The following SBF2 variants were observed in gnomAD, a reference collection of about 807,000 sequenced individuals.
The protein encoded by SBF2 is SET binding factor 2, also known as myotubularin-related protein 13.
In SBF2, 112 loss-of-function variants were observed where a neutral mutation model predicts 225.2. That is an observed-to-expected ratio of 0.50 (90% CI 0.43 to 0.58). SBF2 has a LOEUF of 0.58. SBF2 is among the 20% of genes least tolerant of loss of function. The pLI is 0.00. For synonymous variants in SBF2, 763 were observed against 773.3 expected (o/e 0.99, Z 0.22); for missense variants, 1,996 against 2,206.2 (o/e 0.90, Z 1.91).
At chr11:10,227,349 G>T (rs1958617825) in intron 1 of SBF2, among the ~76,000 whole-genome samples, 1 of 152,030 alleles carries the variant, frequency 6.6e-6, no homozygotes, top group Non-Finnish European at 1.5e-5. Context: ...GTCTATTTTG[G>T]CTTTTGTTGC....
chr11:9,936,215 T>A (rs7945547), intron 16 of SBF2, among the ~76,000 whole-genome samples: 2 of 152,148 alleles, frequency 1.3e-5, no homozygotes, highest in African/African-American at 4.8e-5. Context: ...CTCATCATCA[T>A]TGGTCATCAG....
intron 14 of SBF2, among the ~76,000 whole-genome samples, chr11:9,967,244 C>T (rs1041874672): frequency 2.6e-5 from 4 of 151,968 alleles, no homozygotes; most frequent in Non-Finnish European, 5.9e-5. Flanking sequence ...TGGTGGCGGG[C>T]GCCTGGAGTC....
intron 2 of SBF2, among the ~76,000 whole-genome samples, chr11:10,139,316 T>C (rs1954535419): frequency 6.6e-6 from 1 of 152,182 alleles, no homozygotes; most frequent in African/African-American, 2.4e-5. Context: ...TTGTAGAGTC[T>C]CCAGCAGTTT....
chr11:10,066,233 C>T (rs975116417), intron 2 of SBF2, among the ~76,000 whole-genome samples: 1 of 151,844 alleles, frequency 6.6e-6, no homozygotes, highest in Non-Finnish European at 1.5e-5. Context: ...ATAAGGCCGA[C>T]ATTACCAATA....
chr11:10,198,076 C>T (rs1022562836), intron 1 of SBF2, among the ~76,000 whole-genome samples: 4 of 152,184 alleles, frequency 2.6e-5, no homozygotes, highest in African/African-American at 9.7e-5. Flanking sequence ...TTTTTACCTC[C>T]TCCCATGAAT....
At position 9,832,904 on chromosome 11, in the gene SBF2, A is replaced by G. The variant is rs143924546; in HGVS notation, c.3456-484T>C. Among the ~76,000 whole-genome samples the G allele has an allele frequency of 3.7e-4, 57 of 152,356 alleles. 1 individual carries two copies. The highest frequency in any genetic ancestry group is 1.2e-3 in the African/African-American group (51 of 41,580). ...GCAGACTTCTGTTGAATAAACTTAG[A>G]AAATAAAAATATTATGTAGAATTCT... On this transcript the variant is annotated intron_variant, in intron 26 of 39. Transcript: ENST00000256190.
At chr11:10,293,587 C>G (rs1170873327) in intron 1 of SBF2, among the ~76,000 whole-genome samples, 1 of 152,198 alleles carries the variant, frequency 6.6e-6, no homozygotes, top group Non-Finnish European at 1.5e-5. Flanking sequence ...GAGGACAACC[C>G]CCTGCGTCAC....
chr11:9,829,438 G>A lies in SBF2; in HGVS notation c.3711C>T (p.Ala1237=). 6.2e-7 allele frequency: 1 copy of A among 1,613,760 alleles called. No homozygotes were observed. The highest frequency in any genetic ancestry group is 8.5e-7 in the Non-Finnish European group (1 of 1,179,646). ...SSIEQEKYLQ[A]LLNAVSVHQK... Reference sequence around the variant, plus strand: ...GATGGACAGAAACAGCATTCAGTAAGGCTTGCAAGTATTTCTCTTGTTCTA... The same window carrying A: ...GATGGACAGAAACAGCATTCAGTAAAGCTTGCAAGTATTTCTCTTGTTCTA... Residue 1237 remains alanine, a synonymous_variant, in exon 28 of 40, where the codon GCC becomes GCT. Transcript: ENST00000256190.
At chr11:10,229,623 T>C (rs537665728) in intron 1 of SBF2, among the ~76,000 whole-genome samples, 26 of 152,314 alleles carry the variant, frequency 1.7e-4, no homozygotes, top group African/African-American at 2.6e-4. Context: ...TTGAGTGGTT[T>C]TGAGTGAGTT....
Position 9,969,817 on chromosome 11 carries a change from C to T in SBF2, c.1396-1272G>A, listed in dbSNP as rs1030633690. ...CTATCCTTCTCTCCATAAAATAAAG[C>T]TCCATGAGAGTAGACGTATACCTAC... On this transcript the variant is annotated intron_variant, in intron 13 of 39. Transcript: ENST00000256190. 3.3e-5 allele frequency among the ~76,000 whole-genome samples: 5 copies of T among 152,268 alleles called. No homozygotes were observed. The East Asian group carries it at 5.8e-4, about 18-fold the overall frequency.
At chr11:9,848,952 A>G (rs1386076769) in intron 22 of SBF2, among the ~76,000 whole-genome samples, 1 of 152,228 alleles carries the variant, frequency 6.6e-6, no homozygotes, top group African/African-American at 2.4e-5. Context: ...TACATTTTAT[A>G]TATCTGAATT....
rs544590564 is a variant in SBF2 at position 9,829,618 on chromosome 11, ACCACAC to A, written c.3653-128_3653-123del. On this transcript the variant is annotated intron_variant, in intron 27 of 39. Coordinates refer to ENST00000256190, the MANE Select transcript of SBF2 (RefSeq NM_030962.4). ...TTTTTCTCTATATAGTCTACAAGTTACCACACCCAAATATAGAAACCAGCCCCACTT... is the reference window on the plus strand; with the variant it reads ...TTTTTCTCTATATAGTCTACAAGTTACCAAATATAGAAACCAGCCCCACTT... 422 of 859,606 alleles carry A rather than the reference ACCACAC, an allele frequency of 4.9e-4. No homozygotes were observed. In the African/African-American group the frequency reaches 6.6e-3, roughly 13 times the overall value. 53.2% of individuals were successfully genotyped at this position (859,606 alleles called of 1,614,324 possible).
intron 16 of SBF2, among the ~76,000 whole-genome samples, chr11:9,914,403 G>C (rs1377620670): frequency 6.6e-6 from 1 of 152,186 alleles, no homozygotes; most frequent in African/African-American, 2.4e-5. Context: ...ACAGTAAACT[G>C]ATCTTTGACA....
chr11:10,278,010 A>G (rs1156517822), intron 1 of SBF2, among the ~76,000 whole-genome samples: 2 of 152,194 alleles, frequency 1.3e-5, no homozygotes, highest in South Asian at 4.1e-4. Context: ...ACTATTGTTT[A>G]AACATTTTAA....
intron 1 of SBF2, among the ~76,000 whole-genome samples, chr11:10,302,065 C>T (rs914704444): frequency 3.3e-5 from 5 of 152,044 alleles, no homozygotes; most frequent in African/African-American, 9.7e-5. Flanking sequence ...CTTGTACTGT[C>T]CTTGCTCAAC....
intron 2 of SBF2, among the ~76,000 whole-genome samples, chr11:10,066,484 C>CATA (rs1160938179): frequency 5.3e-5 from 8 of 152,004 alleles, no homozygotes; most frequent in African/African-American, 1.9e-4. Context: ...TTCATTTTAA[C>CATA]ATGTTTACAT....
chr11:10,210,289 C>A (rs900164528), intron 1 of SBF2, among the ~76,000 whole-genome samples: 5 of 151,284 alleles, frequency 3.3e-5, no homozygotes, highest in African/African-American at 1.2e-4. Context: ...GCCTGGGAAA[C>A]AGAGCAAGAC....
chr11:9,971,904 G>A (rs1330387497), intron 13 of SBF2, among the ~76,000 whole-genome samples: 2 of 152,144 alleles, frequency 1.3e-5, no homozygotes, highest in Non-Finnish European at 2.9e-5. Context: ...TACAACAACT[G>A]TTATTAGTGA....
intron 2 of SBF2, among the ~76,000 whole-genome samples, chr11:10,140,454 G>T (rs1282990302): frequency 1.3e-5 from 2 of 152,210 alleles, no homozygotes; most frequent in South Asian, 4.1e-4. Flanking sequence ...AGAGATTCTG[G>T]GTTGGTGAAC....
Sources: gnomAD v4.1 joint callset for allele counts (sites outside exome capture counted in the v4.1 genomes callset) on GRCh38, gnomAD v4.1.1 for gene constraint, MANE v1.5 for transcripts, NCBI Gene and HGNC (gene_info 2026-07-23, HGNC 2026-07-21) for gene names.